Variants in SYBU observed in about 807,000 individuals in gnomAD.
SYBU encodes the protein syntabulin, also known as GOLSYN A protein.
SYBU carries 21 observed loss-of-function variants against 35.9 expected under a neutral mutation model. The ratio of observed to expected loss-of-function variants is 0.58; its 90% CI spans 0.41 to 0.84. The LOEUF (loss-of-function observed/expected upper bound fraction) is 0.84, where lower values mean the gene tolerates loss of function less well. Among genes scored for constraint, SYBU ranks in the 40% least tolerant of loss-of-function variants. The pLI, the probability that SYBU is intolerant of heterozygous loss-of-function variation, is 0.00. For missense variants in SYBU, 768 were observed against 848.2 expected (o/e 0.91, Z 1.17); for synonymous variants, 319 against 324.3 (o/e 0.98, Z 0.18).
At chr8:109,596,930 T>C (rs894369149) in intron 3 of SYBU, among the ~76,000 whole-genome samples, 4 of 152,184 alleles carry the variant, frequency 2.6e-5, no homozygotes, top group African/African-American at 7.2e-5. Flanking sequence ...GATTTGTACT[T>C]TTATTTACCC....
At chr8:109,674,366 G>C (rs892850797) in intron 1 of SYBU, among the ~76,000 whole-genome samples, 8 of 152,266 alleles carry the variant, frequency 5.3e-5, no homozygotes, top group African/African-American at 1.9e-4. Context: ...CCAGAAGAGA[G>C]TGGGGGCCAA....
chr8:109,661,352 T>C (rs956134092), intron 1 of SYBU, among the ~76,000 whole-genome samples: 14 of 152,194 alleles, frequency 9.2e-5, no homozygotes, highest in Non-Finnish European at 4.4e-5. Context: ...AAAATTATGA[T>C]GTTTAATATG....
rs12548692 is a variant in SYBU at position 109,678,845 on chromosome 8, C to T, written c.-129+1866G>A. ...AGAAGACCTTTAAAAAATACTGATG[C>T]ATGGAGCCCACCATGTGATTCTGTC... On this transcript the variant is annotated intron_variant, in intron 1 of 5. Coordinates refer to the SYBU transcript ENST00000408889. Among the ~76,000 whole-genome samples, 1,429 of 152,250 alleles carry T rather than the reference C, an allele frequency of 9.4e-3. 74 individuals carry two copies. The highest frequency in any genetic ancestry group is 0.083 in the Admixed American group (1,263 of 15,292).
rs572170522 is a variant in SYBU, at chr8:109,592,278, G to A, written c.428-6116C>T. 5.3e-4 allele frequency among the ~76,000 whole-genome samples: 80 copies of A among 152,208 alleles called. 1 individual carries two copies. The highest frequency in any genetic ancestry group is 3.4e-3 in the Middle Eastern group (1 of 294). ...GTGGTTTTCCTTTTGCCATTGTTCA[G>A]CAAAGAGCATGTTTCTGTTTTTTAA... On this transcript the variant is annotated intron_variant, in intron 3 of 6. Coordinates refer to ENST00000276646, the MANE Select transcript of SYBU (RefSeq NM_001099754.2).
chr8:109,646,399 G>A (rs1432804628), upstream of SYBU: 1 of 152,176 alleles, frequency 6.6e-6, no homozygotes, highest in Non-Finnish European at 1.5e-5. Flanking sequence ...CAGAGGATTA[G>A]TGGAATCAAT....
chr8:109,644,687 C>G lies in SYBU; in HGVS notation c.-28G>C. On this transcript the variant is annotated 5_prime_UTR_variant, in exon 1 of 7. Coordinates refer to ENST00000276646, the MANE Select transcript of SYBU (RefSeq NM_001099754.2). Reference sequence around the variant, plus strand: ...CGCCGCTGCCCGCCGGCTCCTCGCGCCGCCGCTGCCGCCGTCCAGGAGGAG... The same window carrying G: ...CGCCGCTGCCCGCCGGCTCCTCGCGGCGCCGCTGCCGCCGTCCAGGAGGAG... 4 of 1,500,034 alleles carry G rather than the reference C, an allele frequency of 2.7e-6. No individual in the cohort carries two copies. The highest frequency in any genetic ancestry group is 3.5e-6 in the Non-Finnish European group (4 of 1,132,046). 92.9% of individuals were successfully genotyped at this position (1,500,034 alleles called of 1,614,324 possible). A position where few individuals can be genotyped will look rare whatever the true frequency, so the allele number is the denominator to read the frequency against.
Position 109,691,372 on chromosome 8 carries a change from G to A in SYBU, c.-97C>T, listed in dbSNP as rs113023846. The A allele has an allele frequency of 0.011, 7,859 of 698,430 alleles. 422 individuals are homozygous for A. The African/African-American group carries it at 0.12, about 11-fold the overall frequency. 43.3% of individuals were successfully genotyped at this position (698,430 alleles called of 1,614,324 possible). On this transcript the variant is annotated 5_prime_UTR_variant, in exon 1 of 8. Transcript: ENST00000422135. This position sits in a 1 kb window ranked among gnomAD's most constrained non-coding sequence, Gnocchi z 4.7. ...AAGGGCCCCATCGCGCTGTCCAGGAGGAGGCACCTACGTGCGCCCGGGAGA... is the reference window on the plus strand; with the variant it reads ...AAGGGCCCCATCGCGCTGTCCAGGAAGAGGCACCTACGTGCGCCCGGGAGA...
Position 109,667,353 on chromosome 8 carries a change from C to T in SYBU, c.-129+13358G>A, listed in dbSNP as rs574806698. ...GGATGGTCTCGATCTCCTCGTGATC[C>T]GCCCACCTCGGCCTCCTAAAGTGCT... On this transcript the variant is annotated intron_variant, in intron 1 of 5. Coordinates refer to the SYBU transcript ENST00000408889. Among the ~76,000 whole-genome samples, 5 of 152,036 alleles carry T rather than the reference C, an allele frequency of 3.3e-5. No homozygotes were observed. The South Asian group carries it at 6.2e-4, about 19-fold the overall frequency.
At chr8:109,617,273 C>T (rs1031141689) in intron 3 of SYBU, among the ~76,000 whole-genome samples, 1 of 152,044 alleles carries the variant, frequency 6.6e-6, no homozygotes, top group Non-Finnish European at 1.5e-5. Flanking sequence ...TTTGAGGTGT[C>T]GACAATAGGC....
chr8:109,664,305 G>A (rs946501426), intron 1 of SYBU, among the ~76,000 whole-genome samples: 1 of 151,960 alleles, frequency 6.6e-6, no homozygotes, highest in African/African-American at 2.4e-5. Context: ...TTATGAGGTA[G>A]GGAAGAATGA....
intron 3 of SYBU, among the ~76,000 whole-genome samples, chr8:109,587,076 A>G (rs1823704650): frequency 6.6e-6 from 1 of 152,166 alleles, no homozygotes. Context: ...TAAAAACGTG[A>G]AGTACCATGT....
At chr8:109,655,671 T>C (rs1816325956) in intron 1 of SYBU, among the ~76,000 whole-genome samples, 1 of 152,232 alleles carries the variant, frequency 6.6e-6, no homozygotes, top group Non-Finnish European at 1.5e-5. Context: ...CTACCACTTA[T>C]TGGATTTTTA....
chr8:109,671,452 T>G (rs1348603952), intron 1 of SYBU, among the ~76,000 whole-genome samples: 2 of 152,202 alleles, frequency 1.3e-5, no homozygotes, highest in African/African-American at 2.4e-5. Flanking sequence ...GGAAGCTCAT[T>G]GAGGATGGCA....
At chr8:109,587,482 C>G (rs1052618118) in intron 3 of SYBU, among the ~76,000 whole-genome samples, 3 of 152,162 alleles carry the variant, frequency 2.0e-5, no homozygotes, top group African/African-American at 7.2e-5. Context: ...GCTTTGCCCT[C>G]AGAAAGGCAG....
At chr8:109,644,563 A>G (rs1815374605) in intron 1 of SYBU, 73 bp downstream of exon 1, 1 of 1,499,118 alleles carries the variant, frequency 6.7e-7, no homozygotes, top group Non-Finnish European at 9.0e-7. Flanking sequence ...TCCAGCTCTC[A>G]TCCCGCCGCT....
intron 6 of SYBU, 64 bp from the exon 7 acceptor site, chr8:109,576,077 A>G: frequency 6.9e-7 from 1 of 1,440,396 alleles, no homozygotes; most frequent in Non-Finnish European, 9.1e-7. Context: ...AAAACTTTCA[A>G]CTGGGCAACA....
chr8:109,656,582 T>C (rs1229464834), intron 1 of SYBU, among the ~76,000 whole-genome samples: 2 of 152,250 alleles, frequency 1.3e-5, no homozygotes, highest in Non-Finnish European at 2.9e-5. Context: ...GGTTTCCTAA[T>C]GCTCACTTAA....
chr8:109,592,572 C>G (rs1187935121), intron 3 of SYBU, among the ~76,000 whole-genome samples: 3 of 152,214 alleles, frequency 2.0e-5, no homozygotes, highest in African/African-American at 7.2e-5. Flanking sequence ...CCACCCAGTT[C>G]ACTCCTGTAC....
chr8:109,652,487 T>A (rs1816188580), intron 1 of SYBU, among the ~76,000 whole-genome samples: 1 of 152,192 alleles, frequency 6.6e-6, no homozygotes, highest in Admixed American at 6.5e-5. Flanking sequence ...CTTGAATCTT[T>A]ACTGCCTGGA....
Sources: gnomAD v4.1 joint callset for allele counts (sites outside exome capture counted in the v4.1 genomes callset) on GRCh38, gnomAD v4.1.1 for gene constraint, Gnocchi (gnomAD v3.1) non-coding constraint, MANE v1.5 for transcripts, NCBI Gene and HGNC (gene_info 2026-07-23, HGNC 2026-07-21) for gene names.